Variants in RIMS2 observed in about 807,000 individuals in gnomAD.
RIMS2 encodes the protein regulating synaptic membrane exocytosis 2.
Under a neutral mutation model 174.4 loss-of-function variants are expected in RIMS2, and 59 were observed. The observed-to-expected ratio is 0.34, with a 90% CI of 0.27 to 0.42. The LOEUF is 0.42. RIMS2 is among the 10% of genes least tolerant of loss of function. The probability of loss-of-function intolerance (pLI) is 1.00; values close to 1 mark genes in which losing one functional copy is unlikely to be tolerated. For missense variants in RIMS2, 1,620 were observed against 1,666.3 expected, an observed-to-expected ratio of 0.97 and a Z score of 0.48; for synonymous variants, 606 against 572.5, an observed-to-expected ratio of 1.06 and a Z score of -0.84.
intron 3 of RIMS2, among the ~76,000 whole-genome samples, chr8:103,824,859 T>A (rs1399184156): frequency 6.6e-6 from 1 of 152,236 alleles, no homozygotes; most frequent in South Asian, 2.1e-4. Flanking sequence ...TCCTTTGAAA[T>A]GTGAGACGTA....
intron 1 of RIMS2, among the ~76,000 whole-genome samples, chr8:103,610,288 T>G (rs1200818812): frequency 6.6e-6 from 1 of 152,196 alleles, no homozygotes; most frequent in Non-Finnish European, 1.5e-5. Flanking sequence ...GGGGATAGTT[T>G]GACTTTCTGT....
chr8:103,990,674 G>A (rs1350380222), intron 17 of RIMS2, among the ~76,000 whole-genome samples: 1 of 151,914 alleles, frequency 6.6e-6, no homozygotes, highest in Non-Finnish European at 1.5e-5. Context: ...GCCTAATATA[G>A]CATTTTAATG....
chr8:104,197,226 A>T (rs375657918), intron 19 of RIMS2, among the ~76,000 whole-genome samples: 1 of 142,682 alleles, frequency 7.0e-6, no homozygotes, highest in African/African-American at 2.7e-5. Context: ...CCCAGGCTGG[A>T]GTACAATGGC....
chr8:103,995,728 T>TA (rs2095050931), intron 17 of RIMS2, among the ~76,000 whole-genome samples: 1 of 152,024 alleles, frequency 6.6e-6, no homozygotes. Context: ...GAAAGCATAA[T>TA]ATGCAAATAA....
intron 1 of RIMS2, among the ~76,000 whole-genome samples, chr8:103,503,765 A>G (rs1355613572): frequency 6.6e-6 from 1 of 152,000 alleles, no homozygotes; most frequent in Non-Finnish European, 1.5e-5. Flanking sequence ...TTTGAACCTT[A>G]TTAATATTTA....
In RIMS2 at chr8:103,825,399, C is replaced by T. The variant is rs748720127; in HGVS notation, c.698+58862C>T. ...AGCTCAAGTGATCCTCCCACTTCAG[C>T]CTTCTGAGAAGCTAGGACCACAGGC... On this transcript the variant is annotated intron_variant, in intron 3 of 23. Coordinates refer to ENST00000504942, the Ensembl canonical transcript of RIMS2. Among the ~76,000 whole-genome samples the T allele has an allele frequency of 1.6e-4, 24 of 151,858 alleles. No homozygotes were observed. The South Asian group carries it at 2.7e-3, about 17-fold the overall frequency.
intron 19 of RIMS2, among the ~76,000 whole-genome samples, chr8:104,120,989 T>C (rs1652838123): frequency 1.3e-5 from 2 of 152,202 alleles, no homozygotes; most frequent in African/African-American, 4.8e-5. Flanking sequence ...TCCTTCCTTC[T>C]TCCCACACCA....
chr8:103,793,380 G>A (rs1003942721), intron 3 of RIMS2, among the ~76,000 whole-genome samples: 3 of 151,960 alleles, frequency 2.0e-5, no homozygotes, highest in East Asian at 1.9e-4. Flanking sequence ...AAATTCAACA[G>A]CCCTTCATGC....
intron 1 of RIMS2, among the ~76,000 whole-genome samples, chr8:103,532,553 G>A (rs143523401): frequency 0.01 from 1,578 of 152,292 alleles, 25 homozygotes; most frequent in African/African-American, 0.036. Flanking sequence ...AAAAGGATAC[G>A]ACTTGTGAAA....
intron 1 of RIMS2, among the ~76,000 whole-genome samples, chr8:103,510,676 C>T (rs975268803): frequency 2.6e-5 from 4 of 152,136 alleles, no homozygotes; most frequent in African/African-American, 9.7e-5. Context: ...GATGCCGTCT[C>T]TCTGACCTTT....
chr8:103,516,631 T>C, intron 1 of RIMS2, among the ~76,000 whole-genome samples: 1 of 152,200 alleles, frequency 6.6e-6, no homozygotes, highest in East Asian at 1.9e-4. Context: ...GGACATCTAA[T>C]ACTAGATGTT....
At chr8:103,781,503 G>T (rs2098387930) in intron 3 of RIMS2, among the ~76,000 whole-genome samples, 1 of 152,044 alleles carries the variant, frequency 6.6e-6, no homozygotes, top group Admixed American at 6.6e-5. Flanking sequence ...AAGTTATTTT[G>T]TTCAAAATGA....
chr8:104,109,201 G>A (rs568302126), intron 19 of RIMS2, among the ~76,000 whole-genome samples: 116 of 150,590 alleles, frequency 7.7e-4, no homozygotes, highest in Non-Finnish European at 1.4e-3. Flanking sequence ...GGAGGCCGAG[G>A]CAGGAGAATG....
intron 4 of RIMS2, among the ~76,000 whole-genome samples, chr8:103,895,514 T>C (rs1401808685): frequency 6.6e-6 from 1 of 151,536 alleles, no homozygotes; most frequent in Non-Finnish European, 1.5e-5. Flanking sequence ...GACTCCACTC[T>C]CATGACTTCC....
chr8:103,564,575 G>A (rs1375572381), intron 1 of RIMS2, among the ~76,000 whole-genome samples: 2 of 152,200 alleles, frequency 1.3e-5, no homozygotes, highest in African/African-American at 4.8e-5. Flanking sequence ...AACCACTGGT[G>A]TAAGTCCAAG....
At chr8:103,644,587 A>C (rs2096289473) in intron 1 of RIMS2, among the ~76,000 whole-genome samples, 1 of 151,952 alleles carries the variant, frequency 6.6e-6, no homozygotes, top group Non-Finnish European at 1.5e-5. Context: ...AATTTTGGTG[A>C]GATACTTTGT....
intron 1 of RIMS2, among the ~76,000 whole-genome samples, chr8:103,505,642 C>T (rs544822003): frequency 6.6e-6 from 1 of 151,968 alleles, no homozygotes; most frequent in South Asian, 2.1e-4. Context: ...GTTGTTGGGC[C>T]AAAGGGTTAG....
chr8:103,633,650 C>G (rs902783207), intron 1 of RIMS2, among the ~76,000 whole-genome samples: 2 of 152,040 alleles, frequency 1.3e-5, no homozygotes, highest in Non-Finnish European at 2.9e-5. Context: ...CACTGTGAAT[C>G]CATCAGGTCT....
intron 19 of RIMS2, among the ~76,000 whole-genome samples, chr8:104,184,018 T>G (rs1381587943): frequency 6.6e-6 from 1 of 151,514 alleles, no homozygotes; most frequent in East Asian, 1.9e-4. Context: ...AACATTGTAT[T>G]TTTTCCTATG....
Sources: gnomAD v4.1 joint callset for allele counts (sites outside exome capture counted in the v4.1 genomes callset) on GRCh38, gnomAD v4.1.1 for gene constraint, MANE v1.5 for transcripts, NCBI Gene and HGNC (gene_info 2026-07-23, HGNC 2026-07-21) for gene names.